NKAIN2: variants seen among roughly 807,000 people sequenced by gnomAD.
The protein encoded by NKAIN2 is sodium/potassium transporting ATPase interacting 2, also known as sodium/potassium-transporting ATPase subunit beta-1-interacting protein 2.
Under a neutral mutation model 32.6 loss-of-function variants are expected in NKAIN2, and 14 were observed. That is an observed-to-expected ratio of 0.43 (90% confidence interval 0.28 to 0.67). The LOEUF is 0.67. Among genes scored for constraint, NKAIN2 ranks in the 30% least tolerant of loss-of-function variants. NKAIN2 has a pLI of 0.17. For synonymous variants in NKAIN2, 80 were observed against 87.2 expected (o/e 0.92, Z 0.46); for missense variants, 198 against 258.3 (o/e 0.77, Z 1.60).
chr6:124,509,115 A>G (rs1346290253), intron 3 of NKAIN2, among the ~76,000 whole-genome samples: 1 of 152,216 alleles, frequency 6.6e-6, no homozygotes, highest in African/African-American at 2.4e-5. Flanking sequence ...TGAGTAAATA[A>G]CACTGTAGAA....
At chr6:124,801,393 C>T (rs1780249169) in intron 5 of NKAIN2, among the ~76,000 whole-genome samples, 1 of 152,074 alleles carries the variant, frequency 6.6e-6, no homozygotes, top group Admixed American at 6.6e-5. Flanking sequence ...ACTGTAATCC[C>T]CCAATTTTAC....
At chr6:124,815,789 A>C (rs147768930) in intron 5 of NKAIN2, among the ~76,000 whole-genome samples, 10 of 152,166 alleles carry the variant, frequency 6.6e-5, no homozygotes, top group African/African-American at 2.4e-4. Context: ...TCTTTCTGCT[A>C]TGCTGCATGG....
intron 3 of NKAIN2, among the ~76,000 whole-genome samples, chr6:124,376,820 A>G (rs1800014043): frequency 6.6e-6 from 1 of 152,180 alleles, no homozygotes; most frequent in African/African-American, 2.4e-5. Context: ...ATAAAAATCC[A>G]TGCCATTTAT....
intron 3 of NKAIN2, among the ~76,000 whole-genome samples, chr6:124,404,362 G>T (rs566304822): frequency 6.6e-6 from 1 of 152,222 alleles, no homozygotes; most frequent in African/African-American, 2.4e-5. Context: ...CATTCACTAT[G>T]CCCTAGCCAA....
At chr6:124,019,524 G>GT (rs1026837176) in intron 1 of NKAIN2, among the ~76,000 whole-genome samples, 2 of 152,084 alleles carry the variant, frequency 1.3e-5, no homozygotes, top group African/African-American at 4.8e-5. Context: ...TTGTAAACAA[G>GT]TTTTTTCTAA....
intron 1 of NKAIN2, among the ~76,000 whole-genome samples, chr6:123,882,183 A>G (rs547837813): frequency 6.6e-6 from 1 of 152,238 alleles, no homozygotes; most frequent in Admixed American, 6.5e-5. Context: ...AATAAAATAT[A>G]TCAAATATAT....
intron 4 of NKAIN2, among the ~76,000 whole-genome samples, chr6:124,742,061 G>C (rs1451462952): frequency 6.6e-6 from 1 of 151,802 alleles, no homozygotes; most frequent in African/African-American, 2.4e-5. Context: ...CATATCCCAA[G>C]TCATAGCCAC....
rs139102395 is a variant in NKAIN2 at position 123,806,984 on chromosome 6, T to G, written c.54+2730T>G. 9.7e-3 allele frequency among the ~76,000 whole-genome samples: 1,473 copies of G among 152,118 alleles called. 20 individuals are homozygous for G. The highest frequency in any genetic ancestry group is 0.033 in the African/African-American group (1,391 of 41,550). ...GGTATTGTGGATATGGTGATCTCAT[T>G]TATTAAGTTATTATCAGACCAGACA... On this transcript the variant is annotated intron_variant, in intron 1 of 6. Transcript: ENST00000368417.
In NKAIN2 at chr6:124,548,188, A is replaced by C. The variant is rs73567549; in HGVS notation, c.274-109998A>C. ...GTCTGTAGTATATCTGTAAATCATC[A>C]CTTGAGGAATAAAGTATAAATAATC... On this transcript the variant is annotated intron_variant, in intron 3 of 6. Coordinates refer to ENST00000368417, the MANE Select transcript of NKAIN2 (RefSeq NM_001040214.3). Among the ~76,000 whole-genome samples the C allele has an allele frequency of 7.6e-3, 1,155 of 152,260 alleles. 16 individuals carry two copies. The highest frequency in any genetic ancestry group is 0.026 in the African/African-American group (1,101 of 41,552).
rs144239669 is a variant in NKAIN2, at chr6:124,077,878, G to A, written c.55-205127G>A. Among the ~76,000 whole-genome samples, 159 of 152,106 alleles carry A rather than the reference G, an allele frequency of 1.0e-3. 1 individual carries two copies. Among genetic ancestry groups the A allele is most frequent in the Middle Eastern group, 6.8e-3 (2 of 294 alleles). On this transcript the variant is annotated intron_variant, in intron 1 of 6. Transcript: ENST00000368417. Reference sequence around the variant, plus strand: ...GCCTCCCAAAGTGCTGGGATTACAGGCGTGAATGACAGTGCCTGACCCAAA... The same window carrying A: ...GCCTCCCAAAGTGCTGGGATTACAGACGTGAATGACAGTGCCTGACCCAAA...
At chr6:123,840,323 A>G (rs981949031) in intron 1 of NKAIN2, among the ~76,000 whole-genome samples, 1 of 152,100 alleles carries the variant, frequency 6.6e-6, no homozygotes, top group Non-Finnish European at 1.5e-5. Flanking sequence ...GTATAAATTT[A>G]TATCTCTTCT....
chr6:124,097,766 T>C (rs1238821907), intron 1 of NKAIN2, among the ~76,000 whole-genome samples: 1 of 152,168 alleles, frequency 6.6e-6, no homozygotes, highest in Non-Finnish European at 1.5e-5. Context: ...CATCATGATA[T>C]TATATTTTCT....
intron 3 of NKAIN2, among the ~76,000 whole-genome samples, chr6:124,360,481 T>G (rs1168955806): frequency 1.3e-5 from 2 of 152,160 alleles, no homozygotes; most frequent in Non-Finnish European, 2.9e-5. Flanking sequence ...TGATCATGTT[T>G]TCTTTGTACA....
Position 124,282,466 on chromosome 6 carries a change from C to A in NKAIN2, c.55-539C>A, listed in dbSNP as rs1795342294. ...TCATTTCACAGACGAGGGCCAGCAC[C>A]CAGAGAAGGGAAATGACTTGCGTAG... On this transcript the variant is annotated intron_variant, in intron 1 of 6. Transcript: ENST00000368417. Among the ~76,000 whole-genome samples the A allele has an allele frequency of 2.0e-5, 3 of 152,124 alleles. No homozygotes were observed. In the South Asian group the frequency reaches 6.2e-4, roughly 32 times the overall value.
chr6:123,970,593 G>A lies in NKAIN2; in HGVS notation c.54+166339G>A, dbSNP rs9401716. Among the ~76,000 whole-genome samples the A allele has an allele frequency of 2.4e-3, 358 of 151,896 alleles. 1 individual carries two copies. The highest frequency in any genetic ancestry group is 8.3e-3 in the African/African-American group (344 of 41,424). ...TCATTGTTCTTTAGAAATATTTATC[G>A]TTTGGCTGGGTGTGGTGGCTCATGT... On this transcript the variant is annotated intron_variant, in intron 1 of 6. Coordinates refer to ENST00000368417, the MANE Select transcript of NKAIN2 (RefSeq NM_001040214.3).
At chr6:124,566,129 A>G (rs1203505526) in intron 3 of NKAIN2, among the ~76,000 whole-genome samples, 1 of 152,218 alleles carries the variant, frequency 6.6e-6, no homozygotes, top group African/African-American at 2.4e-5. Context: ...ACTGGCAATT[A>G]CTATTACTCT....
At chr6:124,024,448 C>T (rs1386095373) in intron 1 of NKAIN2, among the ~76,000 whole-genome samples, 2 of 151,936 alleles carry the variant, frequency 1.3e-5, no homozygotes, top group Non-Finnish European at 2.9e-5. Context: ...AGCCCTTTCA[C>T]GTTGGAGAAT....
chr6:124,280,405 G>A (rs1795236895), intron 1 of NKAIN2, among the ~76,000 whole-genome samples: 1 of 152,102 alleles, frequency 6.6e-6, no homozygotes, highest in Non-Finnish European at 1.5e-5. Context: ...TGGACTAAGT[G>A]TGGAGTAAAT....
intron 1 of NKAIN2, among the ~76,000 whole-genome samples, chr6:124,038,875 T>C (rs1781732067): frequency 6.6e-6 from 1 of 152,116 alleles, no homozygotes; most frequent in South Asian, 2.1e-4. Context: ...ATTTTATAAA[T>C]TGCTGTACCA....
Sources: gnomAD v4.1 joint callset for allele counts (sites outside exome capture counted in the v4.1 genomes callset) on GRCh38, gnomAD v4.1.1 for gene constraint, MANE v1.5 for transcripts, NCBI Gene and HGNC (gene_info 2026-07-23, HGNC 2026-07-21) for gene names.